RALGAPA2: variants seen among roughly 807,000 people sequenced by gnomAD.
RALGAPA2 encodes the protein Ral GTPase activating protein catalytic subunit alpha 2, also known as ral GTPase-activating protein subunit alpha-2.
Under a neutral mutation model 230.4 loss-of-function variants are expected in RALGAPA2, and 139 were observed. That is an observed-to-expected ratio of 0.60 (90% CI 0.53 to 0.69). The LOEUF (loss-of-function observed/expected upper bound fraction) is 0.69, where lower values mean the gene tolerates loss of function less well. Among genes scored for constraint, RALGAPA2 ranks in the 30% least tolerant of loss-of-function variants. The probability of loss-of-function intolerance (pLI) is 0.00; values close to 1 mark genes in which losing one functional copy is unlikely to be tolerated. For missense variants in RALGAPA2, 2,163 were observed against 2,276.0 expected, an observed-to-expected ratio of 0.95 and a Z score of 1.01; for synonymous variants, 847 against 837.8, an observed-to-expected ratio of 1.01 and a Z score of -0.19.
chr20:20,427,317 T>C (rs938809699), intron 37 of RALGAPA2, among the ~76,000 whole-genome samples: 2 of 152,180 alleles, frequency 1.3e-5, no homozygotes, highest in Admixed American at 1.3e-4. Context: ...TTTTGGCTCT[T>C]ACAAGCCAGT....
chr20:20,480,537 T>C (rs773001078), intron 36 of RALGAPA2, among the ~76,000 whole-genome samples: 4 of 152,176 alleles, frequency 2.6e-5, no homozygotes, highest in Admixed American at 6.5e-5. Context: ...ACTTAAGTAC[T>C]TCCTAGAAGA....
At chr20:20,612,303 G>A (rs1042009481) in intron 13 of RALGAPA2, among the ~76,000 whole-genome samples, 5 of 152,020 alleles carry the variant, frequency 3.3e-5, no homozygotes, top group African/African-American at 1.2e-4. Flanking sequence ...GTTCCTCGAG[G>A]GAAATCACTC....
intron 10 of RALGAPA2, among the ~76,000 whole-genome samples, chr20:20,622,439 A>G (rs189287193): frequency 6.6e-6 from 1 of 152,364 alleles, no homozygotes; most frequent in Admixed American, 6.5e-5. Context: ...AAAGATAATC[A>G]GAAAAATCTT....
intron 33 of RALGAPA2, among the ~76,000 whole-genome samples, chr20:20,506,583 T>A (rs2062542844): frequency 6.6e-6 from 1 of 152,156 alleles, no homozygotes; most frequent in South Asian, 2.1e-4. Context: ...TCCAGAGCGG[T>A]TCCAACTTTC....
intron 39 of RALGAPA2, among the ~76,000 whole-genome samples, chr20:20,394,017 A>G (rs181368216): frequency 1.3e-5 from 2 of 152,178 alleles, no homozygotes; most frequent in Admixed American, 1.3e-4. Context: ...ATTATGCCCC[A>G]AGTTTCCTGC....
At chr20:20,408,310 T>TTGCTA (rs1221562064) in intron 38 of RALGAPA2, among the ~76,000 whole-genome samples, 1 of 152,202 alleles carries the variant, frequency 6.6e-6, no homozygotes, top group East Asian at 1.9e-4. Context: ...GGCTACCAGA[T>TTGCTA]TGCTAGCTGT....
chr20:20,403,429 A>G (rs532742475), intron 38 of RALGAPA2, among the ~76,000 whole-genome samples: 6 of 152,188 alleles, frequency 3.9e-5, no homozygotes, highest in African/African-American at 1.4e-4. Context: ...CCTGAGTTTT[A>G]ATATCTCAAT....
chr20:20,712,501 CCCCGCCGGCGGGGCAGTA>C lies in RALGAPA2; in HGVS notation c.-39_-22del. On this transcript the variant is annotated 5_prime_UTR_variant, in exon 1 of 40. Coordinates refer to ENST00000202677, the MANE Select transcript of RALGAPA2 (RefSeq NM_020343.4). The surrounding 1 kb of genome is among the most constrained non-coding windows in gnomAD (Gnocchi z 5.5). ...AACATCCCGCGGCAGGAAGCCCGGG[CCCCGCCGGCGGGGCAGTA>C]GGCGCCTGCGCCACGCGAATCAAAG... 9 of 1,540,342 alleles carry C rather than the reference CCCCGCCGGCGGGGCAGTA, an allele frequency of 5.8e-6. No individual in the cohort carries two copies. The highest frequency in any genetic ancestry group is 7.9e-6 in the Non-Finnish European group (9 of 1,142,338).
chr20:20,502,888 G>A (rs1218489194), intron 35 of RALGAPA2, among the ~76,000 whole-genome samples: 3 of 152,212 alleles, frequency 2.0e-5, no homozygotes, highest in Non-Finnish European at 4.4e-5. Context: ...TAAAGGCCAA[G>A]TTCCCTGGGG....
chr20:20,415,889 C>A (rs1225654444), intron 37 of RALGAPA2, among the ~76,000 whole-genome samples: 1 of 152,096 alleles, frequency 6.6e-6, no homozygotes, highest in African/African-American at 2.4e-5. Flanking sequence ...TGAACCTGTC[C>A]CCCAACTTTA....
At chr20:20,689,184 GTTAA>G (rs1246983961) in intron 1 of RALGAPA2, among the ~76,000 whole-genome samples, 1 of 152,088 alleles carries the variant, frequency 6.6e-6, no homozygotes, top group Non-Finnish European at 1.5e-5. Context: ...GTGAATTTAT[GTTAA>G]TTTAATTATA....
At position 20,629,741 on chromosome 20, in the gene RALGAPA2, C is replaced by T. The variant is rs547834641; in HGVS notation, c.1006-151G>A. ...CAAAACCAGCTTGAAGCACGATAGGCTCCAGAGCCTGTACTTACCAATTTT... is the reference window on the plus strand; with the variant it reads ...CAAAACCAGCTTGAAGCACGATAGGTTCCAGAGCCTGTACTTACCAATTTT... On this transcript the variant is annotated intron_variant, in intron 9 of 39. Coordinates refer to ENST00000202677, the MANE Select transcript of RALGAPA2 (RefSeq NM_020343.4). 4.6e-5 allele frequency among the ~76,000 whole-genome samples: 7 copies of T among 152,306 alleles called. No homozygotes were observed. The South Asian group carries it at 8.3e-4, about 18-fold the overall frequency.
chr20:20,482,312 T>C (rs1242152419), intron 36 of RALGAPA2, among the ~76,000 whole-genome samples: 2 of 152,046 alleles, frequency 1.3e-5, no homozygotes, highest in Admixed American at 6.6e-5. Context: ...GGTAAAACAA[T>C]GTATTCAAGA....
At chr20:20,420,729 G>T (rs541385220) in intron 37 of RALGAPA2, among the ~76,000 whole-genome samples, 118 of 152,300 alleles carry the variant, frequency 7.7e-4, no homozygotes, top group African/African-American at 2.8e-3. Context: ...TTATAAAAAT[G>T]AGATGAGTTA....
At chr20:20,687,367 G>C (rs2068743677) in intron 1 of RALGAPA2, among the ~76,000 whole-genome samples, 1 of 152,122 alleles carries the variant, frequency 6.6e-6, no homozygotes. Flanking sequence ...TAGGTCCCTG[G>C]GTAGTTTGCA....
intron 31 of RALGAPA2, among the ~76,000 whole-genome samples, chr20:20,517,251 G>A (rs570939687): frequency 6.6e-6 from 1 of 152,334 alleles, no homozygotes; most frequent in South Asian, 2.1e-4. Context: ...GAAAAGAGGT[G>A]CCTGTCTGAT....
In RALGAPA2 at chr20:20,552,725, C is replaced by T. The variant is rs1307279834; in HGVS notation, c.3157-5893G>A. On this transcript the variant is annotated intron_variant, in intron 23 of 39. Coordinates refer to ENST00000202677, the MANE Select transcript of RALGAPA2 (RefSeq NM_020343.4). ...ACATATTTTTAAGTATTAGTTATTG[C>T]CCACCTGCTGAAGTTCAGAAATGCT... Among the ~76,000 whole-genome samples, 6 of 152,188 alleles carry T rather than the reference C, an allele frequency of 3.9e-5. No homozygotes were observed. The South Asian group carries it at 8.3e-4, about 21-fold the overall frequency.
intron 29 of RALGAPA2, 67 bp from the exon 30 acceptor site, chr20:20,524,610 G>A (rs2063145281): frequency 6.3e-7 from 1 of 1,584,264 alleles, no homozygotes; most frequent in Non-Finnish European, 8.7e-7. Flanking sequence ...GTAATAATAA[G>A]AGAATTATCC....
intron 23 of RALGAPA2, among the ~76,000 whole-genome samples, chr20:20,563,481 T>A (rs2064317250): frequency 6.6e-6 from 1 of 152,206 alleles, no homozygotes; most frequent in African/African-American, 2.4e-5. Flanking sequence ...TTCTCTTAAG[T>A]ACAGAGAAAA....
Sources: allele counts gnomAD v4.1 joint callset (sites outside exome capture counted in the v4.1 genomes callset), GRCh38; gene constraint gnomAD v4.1.1; non-coding constraint Gnocchi (gnomAD v3.1); transcripts MANE v1.5; gene names NCBI Gene and HGNC (gene_info 2026-07-23, HGNC 2026-07-21).